Variants in PIBF1 observed in about 807,000 individuals in gnomAD.
PIBF1 encodes progesterone immunomodulatory binding factor 1.
In PIBF1, 90 loss-of-function variants were observed where a neutral mutation model predicts 112.5. The ratio of observed to expected loss-of-function variants is 0.80; its 90% CI spans 0.67 to 0.95. PIBF1 has a LOEUF of 0.95. Ranked by LOEUF, PIBF1 falls within the 40% of genes least tolerant of loss-of-function variation. The pLI, the probability that PIBF1 is intolerant of heterozygous loss-of-function variation, is 0.00. For synonymous variants in PIBF1, 301 were observed against 288.6 expected (o/e 1.04, Z -0.44); for missense variants, 915 against 852.3 (o/e 1.07, Z -0.92).
intron 2 of PIBF1, among the ~76,000 whole-genome samples, chr13:72,789,735 T>A (rs978885908): frequency 3.9e-5 from 6 of 152,116 alleles, no homozygotes; most frequent in East Asian, 1.9e-4. Flanking sequence ...ATTTTTTTTT[T>A]AATTTGGGAA....
chr13:72,909,415 G>T lies in PIBF1; in HGVS notation c.1639+734G>T, dbSNP rs1367232704. The stretch of plus-strand genomic sequence containing the variant: ...CAGTTCTCAGTGGAAATACAAAAGA[G>T]ATCATTAATTAATCCCACCTTTAAA... On this transcript the variant is annotated intron_variant, in intron 12 of 17. Coordinates refer to ENST00000326291, the MANE Select transcript of PIBF1 (RefSeq NM_006346.4). Among the ~76,000 whole-genome samples, 7 of 151,804 alleles carry T rather than the reference G, an allele frequency of 4.6e-5. No homozygotes were observed. The East Asian group carries it at 1.3e-3, about 29-fold the overall frequency.
chr13:72,950,858 A>G (rs2042276474), intron 14 of PIBF1, among the ~76,000 whole-genome samples: 1 of 152,232 alleles, frequency 6.6e-6, no homozygotes, highest in South Asian at 2.1e-4. Flanking sequence ...AACGGGTTAT[A>G]TGAAGAAAAA....
At position 72,795,440 on chromosome 13, in the gene PIBF1, A is replaced by G. The variant is rs752211613; in HGVS notation, c.435A>G (p.Leu145=). ...AACTAGAAGAGACAAATCTTCAGCTAAGAGAAAAAGCTGGAGATGTTCGTC... is the reference window on the plus strand; with the variant it reads ...AACTAGAAGAGACAAATCTTCAGCTGAGAGAAAAAGCTGGAGATGTTCGTC... ...QKQLEETNLQ[L]REKAGDVRRN... The change falls in exon 4 of 18, where the codon CTA becomes CTG. Residue 145 remains leucine, a synonymous_variant. Coordinates refer to ENST00000326291, the MANE Select transcript of PIBF1 (RefSeq NM_006346.4). The G allele has an allele frequency of 5.0e-6, 8 of 1,609,072 alleles. No individual in the cohort carries two copies. Among genetic ancestry groups the G allele is most frequent in the Non-Finnish European group, 6.8e-6 (8 of 1,177,436 alleles).
At chr13:72,909,381 A>T (rs1018557198) in intron 12 of PIBF1, among the ~76,000 whole-genome samples, 1 of 152,240 alleles carries the variant, frequency 6.6e-6, no homozygotes, top group African/African-American at 2.4e-5. Context: ...GCTATAAGCA[A>T]AAAATATGCA....
At chr13:72,828,045 CTTATTTTATT>C (rs71099757) in intron 8 of PIBF1, 131 bp downstream of exon 8, 9 of 343,558 alleles carry the variant, frequency 2.6e-5, no homozygotes, top group African/African-American at 6.3e-5. Context: ...AAGATAATAC[CTTATTTTATT>C]TTATTTTATT....
intron 9 of PIBF1, 105 bp from the exon 10 acceptor site, chr13:72,853,952 C>T: frequency 1.2e-6 from 1 of 865,854 alleles, no homozygotes; most frequent in Non-Finnish European, 1.8e-6. Flanking sequence ...TTTGGGTCCC[C>T]AACTTCTCAG....
intron 10 of PIBF1, among the ~76,000 whole-genome samples, chr13:72,873,328 A>T (rs2039243680): frequency 6.6e-6 from 1 of 152,200 alleles, no homozygotes; most frequent in Non-Finnish European, 1.5e-5. Context: ...AAAAAGGGAA[A>T]ACCTTAGAAA....
intron 15 of PIBF1, among the ~76,000 whole-genome samples, chr13:72,971,185 A>T (rs918870573): frequency 6.7e-5 from 8 of 120,096 alleles, no homozygotes; most frequent in Admixed American, 3.3e-4. Flanking sequence ...ACAGAGAGTG[A>T]GTGTGTGTGT....
intron 11 of PIBF1, among the ~76,000 whole-genome samples, chr13:72,897,892 T>A (rs1284829273): frequency 2.0e-5 from 3 of 152,156 alleles, no homozygotes; most frequent in Admixed American, 6.5e-5. Context: ...TAGAGAGGTC[T>A]TTAAGACAGA....
At chr13:72,900,458 G>A (rs1003169185) in intron 11 of PIBF1, among the ~76,000 whole-genome samples, 2 of 152,098 alleles carry the variant, frequency 1.3e-5, no homozygotes, top group African/African-American at 4.8e-5. Context: ...AATACTTACA[G>A]CCAACTGACC....
chr13:72,819,633 G>A (rs928827802), intron 5 of PIBF1, among the ~76,000 whole-genome samples: 4 of 151,912 alleles, frequency 2.6e-5, no homozygotes, highest in African/African-American at 9.7e-5. Flanking sequence ...TTTCATCTGT[G>A]AAACTGGGGA....
chr13:72,844,728 TACAC>T (rs1156334355), intron 9 of PIBF1, among the ~76,000 whole-genome samples: 2,041 of 52,898 alleles, frequency 0.039, 47 homozygotes, highest in Non-Finnish European at 0.043. Context: ...TAATTTTATT[TACAC>T]ACACACACAC....
At chr13:72,888,791 T>C (rs955575909) in intron 10 of PIBF1, among the ~76,000 whole-genome samples, 2 of 151,508 alleles carry the variant, frequency 1.3e-5, no homozygotes, top group Non-Finnish European at 2.9e-5. Flanking sequence ...AAAAAACTGA[T>C]ATATCAATTC....
intron 14 of PIBF1, among the ~76,000 whole-genome samples, chr13:72,964,852 A>T (rs187647203): frequency 6.6e-6 from 1 of 152,158 alleles, no homozygotes; most frequent in African/African-American, 2.4e-5. Context: ...ACCTGAGGTC[A>T]GGAGTTCAAG....
At chr13:72,918,139 A>G (rs2041164314) in intron 13 of PIBF1, among the ~76,000 whole-genome samples, 1 of 152,152 alleles carries the variant, frequency 6.6e-6, no homozygotes, top group South Asian at 2.1e-4. Context: ...ATTCACTACC[A>G]CATCAAATCC....
At chr13:72,956,378 C>G (rs1046972643) in intron 14 of PIBF1, among the ~76,000 whole-genome samples, 1 of 152,060 alleles carries the variant, frequency 6.6e-6, no homozygotes, top group African/African-American at 2.4e-5. Context: ...CCAACCACCA[C>G]TGACACACAT....
chr13:72,989,536 A>G (rs1360202907), intron 16 of PIBF1, among the ~76,000 whole-genome samples: 1 of 152,214 alleles, frequency 6.6e-6, no homozygotes, highest in African/African-American at 2.4e-5. Context: ...TGGGAATTCT[A>G]CAAGGACAAA....
At chr13:72,875,077 TATC>T (rs2039339007) in intron 10 of PIBF1, among the ~76,000 whole-genome samples, 1 of 152,232 alleles carries the variant, frequency 6.6e-6, no homozygotes, top group African/African-American at 2.4e-5. Context: ...ATCAATGTAG[TATC>T]ATTCAGAATA....
intron 11 of PIBF1, among the ~76,000 whole-genome samples, chr13:72,907,652 A>G (rs573274641): frequency 1.3e-5 from 2 of 152,110 alleles, no homozygotes; most frequent in African/African-American, 2.4e-5. Context: ...TTGAAATCCA[A>G]ATTTTTCTGG....
Sources: gnomAD v4.1 joint callset for allele counts (sites outside exome capture counted in the v4.1 genomes callset) on GRCh38, gnomAD v4.1.1 for gene constraint, MANE v1.5 for transcripts, NCBI Gene and HGNC (gene_info 2026-07-23, HGNC 2026-07-21) for gene names.